Variants in SCIN observed in about 807,000 individuals in gnomAD.
SCIN encodes scinderin.
A neutral mutation model predicts 91.8 loss-of-function variants in SCIN; 91 were observed. The observed-to-expected ratio is 0.99, with a 90% CI of 0.84 to 1.18. The LOEUF is 1.18. SCIN is among the 50% of genes most tolerant of loss of function. SCIN has a pLI of 0.00. For synonymous variants in SCIN, 367 were observed against 312.6 expected (o/e 1.17, Z -1.84); for missense variants, 1,087 against 863.9 (o/e 1.26, Z -3.24).
chr7:12,620,044 T>C (rs1249682753), intron 4 of SCIN, among the ~76,000 whole-genome samples: 1 of 151,978 alleles, frequency 6.6e-6, no homozygotes, highest in African/African-American at 2.4e-5. Context: ...TTGACAAAGT[T>C]TGTACATATA....
In SCIN at chr7:12,649,623, G is replaced by T. The variant is rs893060629; in HGVS notation, c.1959+79G>T. 7 of 903,600 alleles carry T rather than the reference G, an allele frequency of 7.7e-6. No individual in the cohort carries two copies. In the African/African-American group the frequency reaches 8.3e-5, roughly 11 times the overall value. The allele number at this position is 903,600 out of a possible 1,614,324, so 56.0% of individuals were successfully genotyped here. On this transcript the variant is annotated intron_variant, in intron 14 of 15. Coordinates refer to ENST00000297029, the MANE Select transcript of SCIN (RefSeq NM_001112706.3). ...CAGAACTTGATCTGAGAAATGGTAA[G>T]TCTAGATATAAATGAGCCTAGAGAT...
chr7:12,641,698 C>G (rs1394076784), intron 11 of SCIN, among the ~76,000 whole-genome samples: 1 of 152,178 alleles, frequency 6.6e-6, no homozygotes, highest in Non-Finnish European at 1.5e-5. Flanking sequence ...TCTGACAACT[C>G]TCTCCTGTCC....
chr7:12,592,519 G>A (rs909626921), intron 3 of SCIN, among the ~76,000 whole-genome samples: 6 of 152,012 alleles, frequency 3.9e-5, no homozygotes, highest in Non-Finnish European at 5.9e-5. Flanking sequence ...GAGCAGCTAC[G>A]GAAGGGTTAA....
Position 12,657,063 on chromosome 7 carries a change from G to A in SCIN, c.*4348G>A, listed in dbSNP as rs1784175413. The A allele has an allele frequency of 6.6e-6, 1 of 151,930 alleles. No homozygotes were observed. Among genetic ancestry groups the A allele is most frequent in the South Asian group, 2.1e-4 (1 of 4,816 alleles). The allele number at this position is 151,930 out of a possible 1,614,324, so 9.4% of individuals were successfully genotyped here. A position where few individuals can be genotyped will look rare whatever the true frequency, so the allele number is the denominator to read the frequency against. ...AAACTGGAGCTTACATCCACTACTT[G>A]GGAAGTATAAATTGATACAATGGGT... is the stretch of plus-strand genomic sequence containing the variant. On this transcript the variant is annotated 3_prime_UTR_variant, in exon 16 of 16. Transcript: ENST00000297029.
Position 12,636,150 on chromosome 7 carries a change from A to AC in SCIN, c.1410+20dup. The AC allele has an allele frequency of 6.3e-7, 1 of 1,590,338 alleles. No homozygotes were observed. The highest frequency in any genetic ancestry group is 8.6e-7 in the Non-Finnish European group (1 of 1,161,678). On this transcript the variant is annotated intron_variant, in intron 10 of 15. Transcript: ENST00000297029. ...AGGCTGTGCAGGTTGGGATATTTTT[A>AC]CCCCCAAAACTCACACAAGTTAAAG...
chr7:12,587,547 C>T (rs182658253), intron 3 of SCIN, among the ~76,000 whole-genome samples: 14 of 152,346 alleles, frequency 9.2e-5, no homozygotes, highest in African/African-American at 2.2e-4. Flanking sequence ...ATCACTACAA[C>T]ACCCTTTCTG....
intron 3 of SCIN, among the ~76,000 whole-genome samples, chr7:12,584,796 A>T (rs1782554773): frequency 6.6e-6 from 1 of 152,216 alleles, no homozygotes; most frequent in Admixed American, 6.5e-5. Flanking sequence ...TATTTTTAGA[A>T]ATTAGTAAAA....
intron 3 of SCIN, among the ~76,000 whole-genome samples, chr7:12,600,216 T>A (rs1237868960): frequency 6.6e-6 from 1 of 152,190 alleles, no homozygotes; most frequent in African/African-American, 2.4e-5. Context: ...TTGGATAGAA[T>A]TGGAGACTAT....
At chr7:12,624,852 T>C (rs1583306608) in intron 5 of SCIN, among the ~76,000 whole-genome samples, 158 bp from the exon 6 acceptor site, 2 of 152,222 alleles carry the variant, frequency 1.3e-5, no homozygotes, top group East Asian at 3.8e-4. Flanking sequence ...TATTGAGATA[T>C]AATTTATACA....
At chr7:12,596,338 T>G (rs79299379) in intron 3 of SCIN, 6,657 of 456,152 alleles carry the variant, frequency 0.015, 389 homozygotes, top group African/African-American at 0.12. Flanking sequence ...AAGTTGCTTC[T>G]CCCTGACGTC....
At chr7:12,649,590 G>T (rs1206803257) in intron 14 of SCIN, 46 bp downstream of exon 14, 1 of 1,289,552 alleles carries the variant, frequency 7.8e-7, no homozygotes, top group Non-Finnish European at 1.1e-6. Context: ...TTTTTGGTTG[G>T]GAGATGACAG....
Position 12,644,333 on chromosome 7 carries a change from A to G in SCIN, c.1759+18A>G. On this transcript the variant is annotated intron_variant, in intron 12 of 15. Coordinates refer to ENST00000297029, the MANE Select transcript of SCIN (RefSeq NM_001112706.3). Reference sequence around the variant, plus strand: ...GGAGCCAGGTGTGTGCTCTGGGGCCAAGGGCACTAACTAGAATTTATACTG... The same window carrying G: ...GGAGCCAGGTGTGTGCTCTGGGGCCGAGGGCACTAACTAGAATTTATACTG... 1 of 1,565,652 alleles carries G rather than the reference A, an allele frequency of 6.4e-7. No individual in the cohort carries two copies.
At position 12,656,858 on chromosome 7, in the gene SCIN, G is replaced by A. The variant is rs1006578252; in HGVS notation, c.*4143G>A. 4 of 152,070 alleles carry A rather than the reference G, an allele frequency of 2.6e-5. No individual in the cohort carries two copies. Among genetic ancestry groups the A allele is most frequent in the African/African-American group, 9.7e-5 (4 of 41,426 alleles). 9.4% of individuals were successfully genotyped at this position (152,070 alleles called of 1,614,324 possible). ...GAATCGCTTGAACCCGGGAGGCGGA[G>A]GTTGGAGCGAAAGTACGCGCCACTG... On this transcript the variant is annotated 3_prime_UTR_variant, in exon 16 of 16. Transcript: ENST00000297029.
chr7:12,589,340 C>T (rs1045356752), intron 3 of SCIN: 2 of 152,074 alleles, frequency 1.3e-5, no homozygotes, highest in African/African-American at 4.8e-5. Context: ...TCTCCTGCCT[C>T]AGCCTCCTGA....
intron 3 of SCIN, among the ~76,000 whole-genome samples, chr7:12,594,619 A>G (rs1344792481): frequency 2.0e-5 from 3 of 152,038 alleles, no homozygotes; most frequent in African/African-American, 7.2e-5. Flanking sequence ...GAGCCTTGCG[A>G]TTGCGGAGGA....
chr7:12,623,410 A>T (rs1007234083), intron 5 of SCIN, among the ~76,000 whole-genome samples: 2 of 152,200 alleles, frequency 1.3e-5, no homozygotes, highest in South Asian at 4.1e-4. Flanking sequence ...TCAGCTCTAT[A>T]GCACATGATT....
chr7:12,578,276 C>G (rs1326577507), intron 2 of SCIN, 58 bp downstream of exon 2: 1 of 1,418,892 alleles, frequency 7.0e-7, no homozygotes, highest in Non-Finnish European at 9.4e-7. Flanking sequence ...CCATCCATAC[C>G]TCCTGTCTTC....
At chr7:12,587,620 A>G (rs3173628) in intron 3 of SCIN, among the ~76,000 whole-genome samples, 82,464 of 151,970 alleles carry the variant, frequency 0.54, 22,837 homozygotes, top group African/African-American at 0.65. Flanking sequence ...AGACTACCCT[A>G]GAATTGTGGG....
At chr7:12,617,345 G>C (rs1387073740) in intron 4 of SCIN, among the ~76,000 whole-genome samples, 2 of 152,048 alleles carry the variant, frequency 1.3e-5, no homozygotes, top group Non-Finnish European at 2.9e-5. Context: ...CTTAGTAGCG[G>C]CTCCACCCAG....
Sources: gnomAD v4.1 joint callset for allele counts (sites outside exome capture counted in the v4.1 genomes callset) on GRCh38, gnomAD v4.1.1 for gene constraint, MANE v1.5 for transcripts, NCBI Gene and HGNC (gene_info 2026-07-23, HGNC 2026-07-21) for gene names.